The following SSBP3 variants were observed in gnomAD, a reference collection of about 807,000 sequenced individuals.
SSBP3 encodes single-stranded DNA-binding protein 3.
In SSBP3, 5 loss-of-function variants were observed where a neutral mutation model predicts 69.6. The ratio of observed to expected loss-of-function variants is 0.07; its 90% CI spans 0.04 to 0.15. The LOEUF (loss-of-function observed/expected upper bound fraction) is 0.15. SSBP3 is among the 10% of genes least tolerant of loss of function. The pLI, the probability that SSBP3 is intolerant of heterozygous loss-of-function variation, is 1.00. For missense variants in SSBP3, 312 were observed against 534.0 expected (o/e 0.58, Z 4.10); for synonymous variants, 196 against 193.4 (o/e 1.01, Z -0.11).
intron 4 of SSBP3, among the ~76,000 whole-genome samples, chr1:54,338,601 A>G (rs1377322782): frequency 6.6e-6 from 1 of 152,192 alleles, no homozygotes; most frequent in South Asian, 2.1e-4. Flanking sequence ...CAATATATAT[A>G]CTAAAGGGTA....
chr1:54,233,910 C>T (rs1331639382), intron 14 of SSBP3, among the ~76,000 whole-genome samples: 2 of 152,134 alleles, frequency 1.3e-5, no homozygotes, highest in Admixed American at 6.5e-5. Flanking sequence ...AATAGAAAGG[C>T]GGGAAAGGTG....
chr1:54,393,637 A>G (rs572638485), intron 4 of SSBP3, among the ~76,000 whole-genome samples: 98 of 152,348 alleles, frequency 6.4e-4, no homozygotes, highest in African/African-American at 2.3e-3. Context: ...AAAACATTAA[A>G]AATAAAATTA....
At chr1:54,253,152 A>G (rs1300050385) in intron 7 of SSBP3, among the ~76,000 whole-genome samples, 1 of 150,218 alleles carries the variant, frequency 6.7e-6, no homozygotes, top group African/African-American at 2.5e-5. Context: ...ATGTTCACGA[A>G]GTAGAATTGG....
chr1:54,256,091 C>T (rs971022985), intron 7 of SSBP3, among the ~76,000 whole-genome samples: 1 of 151,308 alleles, frequency 6.6e-6, no homozygotes, highest in Non-Finnish European at 1.5e-5. Flanking sequence ...AAAAAAAAGA[C>T]AATTGGAGAC....
intron 3 of SSBP3, among the ~76,000 whole-genome samples, chr1:54,403,225 G>A (rs1649431518): frequency 6.6e-6 from 1 of 152,180 alleles, no homozygotes; most frequent in Non-Finnish European, 1.5e-5. Context: ...AGTTTCAGGA[G>A]ATTCTGGATA....
At chr1:54,380,929 G>A (rs995339865) in intron 4 of SSBP3, among the ~76,000 whole-genome samples, 4 of 151,768 alleles carry the variant, frequency 2.6e-5, no homozygotes, top group East Asian at 1.9e-4. Flanking sequence ...GAGACCAGCC[G>A]GGAAAAACAC....
At position 54,305,310 on chromosome 1, in the gene SSBP3, TC is replaced by T. The variant is rs574622705; in HGVS notation, c.277-23784del. 1.1e-4 allele frequency among the ~76,000 whole-genome samples: 16 copies of T among 152,224 alleles called. No individual in the cohort carries two copies. In the South Asian group the frequency reaches 3.1e-3, roughly 30 times the overall value. On this transcript the variant is annotated intron_variant, in intron 4 of 17. Coordinates refer to ENST00000610401, the Ensembl canonical transcript of SSBP3. The stretch of plus-strand genomic sequence containing the variant: ...TCACTGGTCCTCCAAATGCCTCCTT[TC>T]CCTTTTCACAGCACCTGCCTAGCAC...
chr1:54,382,142 C>T (rs1283444736), intron 4 of SSBP3, among the ~76,000 whole-genome samples: 3 of 152,112 alleles, frequency 2.0e-5, no homozygotes, highest in South Asian at 2.1e-4. Context: ...TGCAGTGAGC[C>T]GAGACTGTGC....
chr1:54,406,040 C>CGCCGCCGCCGCT (rs1649732683), exon 1 of SSBP3: 1 of 1,296,144 alleles, frequency 7.7e-7, no homozygotes, highest in Non-Finnish European at 1.0e-6. Flanking sequence ...CGAGCCTCGC[C>CGCCGCCGCCGCT]GCCGCCGCCG....
intron 4 of SSBP3, among the ~76,000 whole-genome samples, chr1:54,296,722 T>C (rs975338117): frequency 1.3e-5 from 2 of 152,222 alleles, no homozygotes; most frequent in African/African-American, 4.8e-5. Context: ...CTGGCACGCA[T>C]CCATCAGGTG....
chr1:54,357,910 C>T (rs1368315851), intron 4 of SSBP3, among the ~76,000 whole-genome samples: 2 of 152,148 alleles, frequency 1.3e-5, no homozygotes, highest in Non-Finnish European at 2.9e-5. Flanking sequence ...GTGGACTCTC[C>T]AAAGTAAAGG....
intron 4 of SSBP3, among the ~76,000 whole-genome samples, chr1:54,382,373 C>A (rs1335320578): frequency 2.0e-5 from 3 of 152,190 alleles, no homozygotes; most frequent in African/African-American, 7.2e-5. Context: ...CTGCACCCAG[C>A]CAGTTAGCAT....
chr1:54,262,477 G>A (rs1422961003), intron 5 of SSBP3, among the ~76,000 whole-genome samples: 1 of 152,252 alleles, frequency 6.6e-6, no homozygotes, highest in Non-Finnish European at 1.5e-5. Context: ...GCACCGAGAT[G>A]CCGGGTGCTG....
intron 4 of SSBP3, among the ~76,000 whole-genome samples, chr1:54,340,006 G>A (rs1181879694): frequency 2.6e-5 from 4 of 152,062 alleles, no homozygotes; most frequent in African/African-American, 7.2e-5. Context: ...GGAGGGTGGG[G>A]TAGGAGCAGG....
intron 6 of SSBP3, 58 bp from the exon 7 acceptor site, chr1:54,257,244 C>G (rs1557467849): frequency 6.9e-7 from 1 of 1,443,962 alleles, no homozygotes; most frequent in East Asian, 2.6e-5. Flanking sequence ...GTGACAAACA[C>G]AAATGCTCTC....
At chr1:54,302,380 C>T (rs1312523207) in intron 4 of SSBP3, among the ~76,000 whole-genome samples, 4 of 149,546 alleles carry the variant, frequency 2.7e-5, no homozygotes, top group African/African-American at 2.5e-5. Flanking sequence ...AATGCAGTGG[C>T]GTGATTACTG....
At chr1:54,286,379 A>G (rs1002103349) in intron 4 of SSBP3, 3 of 152,256 alleles carry the variant, frequency 2.0e-5, no homozygotes, top group African/African-American at 7.2e-5. Flanking sequence ...CATTCCAGCC[A>G]GGTGCCTCCT....
chr1:54,383,686 G>C (rs1250460453), intron 4 of SSBP3, among the ~76,000 whole-genome samples: 1 of 152,016 alleles, frequency 6.6e-6, no homozygotes, highest in East Asian at 1.9e-4. Context: ...GAGGGAGAGA[G>C]AGAAATCAGA....
chr1:54,378,340 C>A (rs1647349176), intron 4 of SSBP3, among the ~76,000 whole-genome samples: 1 of 152,230 alleles, frequency 6.6e-6, no homozygotes, highest in African/African-American at 2.4e-5. Flanking sequence ...GGGTGCTTCG[C>A]TACCCAGAGG....
Sources: gnomAD v4.1 joint callset for allele counts (sites outside exome capture counted in the v4.1 genomes callset) on GRCh38, gnomAD v4.1.1 for gene constraint, MANE v1.5 for transcripts, NCBI Gene and HGNC (gene_info 2026-07-23, HGNC 2026-07-21) for gene names.